Variants in PSRC1 observed in about 807,000 individuals in gnomAD.
The protein encoded by PSRC1 is proline/serine-rich coiled-coil protein 1.
Under a neutral mutation model 31.9 loss-of-function variants are expected in PSRC1, and 30 were observed. That is an observed-to-expected ratio of 0.94 (90% CI 0.70 to 1.28). PSRC1 has a LOEUF of 1.28. PSRC1 is among the 50% of genes most tolerant of loss of function. PSRC1 has a pLI of 0.00. For missense variants in PSRC1, 481 were observed against 472.8 expected, an observed-to-expected ratio of 1.02 and a Z score of -0.16; for synonymous variants, 191 against 192.1, an observed-to-expected ratio of 0.99 and a Z score of 0.05.
At chr1:109,282,974 C>G (rs1273843437) in intron 1 of PSRC1, 89 bp downstream of exon 1, 3 of 575,578 alleles carry the variant, frequency 5.2e-6, no homozygotes, top group Non-Finnish European at 9.3e-6. Flanking sequence ...GCGGCCTGCA[C>G]GCCCCATCTT....
At chr1:109,280,744 C>A (rs1419904831) in intron 5 of PSRC1, 33 bp downstream of exon 6, 1 of 1,512,522 alleles carries the variant, frequency 6.6e-7, no homozygotes, top group Non-Finnish European at 8.9e-7. Context: ...ACACGCTGGG[C>A]AAGGGCGGGC....
Position 109,281,119 on chromosome 1 carries a change from C to T in PSRC1, c.652G>A (p.Ala218Thr). The change falls in exon 5 of 7, where the codon GCC becomes ACC. Residue 218 changes from alanine to threonine, a missense_variant. Physicochemically the swap from Ala to Thr is moderately conservative, Grantham distance 58 (BLOSUM62 0). Transcript: ENST00000409138. ...CCACTCCCACTCACCCGCAACTTGG[C>T]TGCTCTGGTCTCCTCACTGGCTGCT... 5 of 1,613,398 alleles carry T rather than the reference C, an allele frequency of 3.1e-6. No individual in the cohort carries two copies. The South Asian group carries it at 4.4e-5, about 14-fold the overall frequency.
In PSRC1 at chr1:109,280,931, G is replaced by A. The variant is rs528132469; in HGVS notation, c.840C>T (p.Pro280=). The change falls in exon 5 of 7, where the codon CCC becomes CCT. Residue 280 remains proline (P), a synonymous_variant. Transcript: ENST00000409138. ...GGCTGGCAGGCCTGGGGATGGCCGA[G>A]GGAATGGGCAGTTGACTGGAAGATT... is the stretch of plus-strand genomic sequence containing the variant. The A allele has an allele frequency of 1.9e-6, 3 of 1,613,956 alleles. No homozygotes were observed. The African/African-American group carries it at 4.0e-5, about 22-fold the overall frequency.
At chr1:109,280,946 A>C (rs768941386) in exon 5 of PSRC1, 2 of 1,613,488 alleles carry the variant, frequency 1.2e-6, no homozygotes, top group Non-Finnish European at 1.7e-6. Flanking sequence ...TGGGCAGTTG[A>C]CTGGAAGATT....
chr1:109,280,708 C>A, intron 5 of PSRC1, 69 bp downstream of exon 6: 1 of 1,327,304 alleles, frequency 7.5e-7, no homozygotes, highest in Non-Finnish European at 1.0e-6. Flanking sequence ...AAAGTGGTCA[C>A]TGTTGACAGC....
At position 109,282,754 on chromosome 1, in the gene PSRC1, C is replaced by T. The variant is rs547815145; in HGVS notation, c.-33-23G>A. On this transcript the variant is annotated intron_variant, in intron 1 of 6. Transcript: ENST00000409138. ...GATCTGAGCTGGAGAGAAACCATAC[C>T]TTTCCTCAGGTATCCATTCTGCCCA... is the stretch of plus-strand genomic sequence containing the variant. 5 of 1,549,156 alleles carry T rather than the reference C, an allele frequency of 3.2e-6. No individual in the cohort carries two copies. The highest frequency in any genetic ancestry group is 4.4e-6 in the Non-Finnish European group (5 of 1,146,460).
chr1:109,282,663 C>T lies in PSRC1; in HGVS notation c.19+17G>A. ...TCTCACTCCTCCCTTTCATTCTTCC[C>T]TCCCTCCTTTCCTTACCTTCCTCCA... On this transcript the variant is annotated intron_variant, in intron 2 of 6. Transcript: ENST00000409138. The T allele has an allele frequency of 1.3e-6, 2 of 1,570,208 alleles. No individual in the cohort carries two copies. The highest frequency in any genetic ancestry group is 1.3e-5 in the African/African-American group (1 of 74,308).
At chr1:109,281,141 T>C in exon 5 of PSRC1, 1 of 1,613,672 alleles carries the variant, frequency 6.2e-7, no homozygotes, top group Non-Finnish European at 8.5e-7. Context: ...CCTCACTGGC[T>C]GCTGCTCTCC....
At chr1:109,281,419 C>G (rs1306281935) in intron 4 of PSRC1, 168 bp from the exon 5 acceptor site, 11 of 744,120 alleles carry the variant, frequency 1.5e-5, no homozygotes, top group Non-Finnish European at 2.4e-5. Context: ...ATTGCCAATA[C>G]CATTTATTGA....
At position 109,281,212 on chromosome 1, in the gene PSRC1, G is replaced by T. The variant is rs115727190; in HGVS notation, c.559C>A (p.Pro187Thr). Residue 187 changes from proline to threonine, a missense_variant, in exon 5 of 7, where the codon CCA becomes ACA. Physicochemically the swap from Pro to Thr is conservative, Grantham distance 38 (BLOSUM62 -1). Coordinates refer to ENST00000409138, the Ensembl canonical transcript of PSRC1. ...GATCGGGTAAGAGGAGAAGATGCTG[G>T]GCTTTTGGATGCAGGGAACAGATTG... 4.8e-5 allele frequency: 78 copies of T among 1,610,954 alleles called. No homozygotes were observed. The highest frequency in any genetic ancestry group is 3.2e-4 in the African/African-American group (24 of 74,790).
At chr1:109,281,222 T>C (rs1490432133) in exon 5 of PSRC1, 6 of 1,607,398 alleles carry the variant, frequency 3.7e-6, no homozygotes, top group Non-Finnish European at 4.3e-6. Flanking sequence ...GGCTTTTGGA[T>C]GCAGGGAACA....
At chr1:109,280,260 C>T in intron 6 of PSRC1, 104 bp from the exon 8 acceptor site, 1 of 1,456,548 alleles carries the variant, frequency 6.9e-7, no homozygotes, top group Non-Finnish European at 9.6e-7. Flanking sequence ...AAATGGGATC[C>T]CCCTTCCCCT....
At chr1:109,280,852 C>T (rs770130922) in exon 5 of PSRC1, 2 of 1,613,186 alleles carry the variant, frequency 1.2e-6, no homozygotes, top group Admixed American at 3.3e-5. Flanking sequence ...GACAGAGAAT[C>T]CGGAGGTAGG....
exon 4 of PSRC1, chr1:109,282,016 G>T: frequency 6.6e-7 from 1 of 1,507,970 alleles, no homozygotes; most frequent in South Asian, 1.4e-5. Context: ...CCGTCGAAGT[G>T]GTTTCTCTGG....
chr1:109,282,643 C>T (rs754072779), intron 2 of PSRC1, 37 bp downstream of exon 2: 227 of 1,597,692 alleles, frequency 1.4e-4, no homozygotes, highest in Non-Finnish European at 1.8e-4. Context: ...CTGGGTCTCA[C>T]TCCTCCCTTT....
intron 4 of PSRC1, 87 bp downstream of exon 4, chr1:109,281,532 C>T: frequency 8.6e-7 from 1 of 1,160,330 alleles, no homozygotes; most frequent in Non-Finnish European, 1.2e-6. Context: ...AAATGCTATC[C>T]CTGTTTTACC....
intron 1 of PSRC1, 95 bp from the exon 2 acceptor site, chr1:109,282,831 G>C (rs1376929164): frequency 1.4e-5 from 17 of 1,227,588 alleles, no homozygotes; most frequent in Admixed American, 2.1e-5. Flanking sequence ...TCATGCTGGA[G>C]GCAAAGCAAG....
chr1:109,280,456 A>C (rs774139380), exon 6 of PSRC1: 1 of 1,613,662 alleles, frequency 6.2e-7, no homozygotes, highest in Non-Finnish European at 8.5e-7. Flanking sequence ...AGTGGCACCC[A>C]TGACAGGAAG....
intron 3 of PSRC1, 33 bp downstream of exon 3, chr1:109,282,485 A>G: frequency 6.3e-7 from 1 of 1,594,430 alleles, no homozygotes; most frequent in South Asian, 1.1e-5. Flanking sequence ...AGGTACTGTT[A>G]GAGGAAAATA....
Sources: gnomAD v4.1 joint callset for allele counts on GRCh38, gnomAD v4.1.1 for gene constraint, MANE v1.5 for transcripts, NCBI Gene and HGNC (gene_info 2026-07-23, HGNC 2026-07-21) for gene names.